NUP58: variants seen among roughly 807,000 people sequenced by gnomAD.
NUP58 encodes the protein nucleoporin p58/p45.
A neutral mutation model predicts 70.1 loss-of-function variants in NUP58; 17 were observed. The ratio of observed to expected loss-of-function variants is 0.24; its 90% CI spans 0.17 to 0.36. The LOEUF is 0.36. NUP58 is among the 10% of genes least tolerant of loss of function. The probability of loss-of-function intolerance (pLI) is 1.00; values close to 1 mark genes in which losing one functional copy is unlikely to be tolerated. For missense variants in NUP58, 644 were observed against 701.5 expected (o/e 0.92, Z 0.93); for synonymous variants, 275 against 257.6 (o/e 1.07, Z -0.65).
downstream of NUP58, among the ~76,000 whole-genome samples, chr13:25,343,840 T>C (rs1041526291): frequency 1.8e-3 from 261 of 147,736 alleles, 4 homozygotes; most frequent in African/African-American, 5.6e-3. Context: ...CATATATATA[T>C]ACGCACACAC....
intron 3 of NUP58, among the ~76,000 whole-genome samples, chr13:25,310,993 A>T (rs796471876): frequency 4.6e-5 from 7 of 152,220 alleles, no homozygotes; most frequent in African/African-American, 1.7e-4. Context: ...GGTGAAAGGG[A>T]TAGGCAGGTA....
At chr13:25,344,277 C>T (rs553691034), downstream of NUP58, among the ~76,000 whole-genome samples, 3 of 152,202 alleles carry the variant, frequency 2.0e-5, no homozygotes, top group African/African-American at 7.2e-5. Flanking sequence ...TTCAGAATCC[C>T]GCCTTGACCA....
At chr13:25,344,351 T>A (rs1391321629), downstream of NUP58, among the ~76,000 whole-genome samples, 3 of 152,204 alleles carry the variant, frequency 2.0e-5, no homozygotes, top group Non-Finnish European at 4.4e-5. Context: ...AAAATAAGGA[T>A]GATATACATG....
intron 3 of NUP58, among the ~76,000 whole-genome samples, chr13:25,309,788 A>G (rs2030559973): frequency 6.6e-6 from 1 of 152,236 alleles, no homozygotes; most frequent in African/African-American, 2.4e-5. Flanking sequence ...GCAGTAAACA[A>G]TGTGAAAGGA....
chr13:25,331,380 C>T lies in NUP58; in HGVS notation c.1257C>T (p.Gly419=). The T allele has an allele frequency of 6.2e-7, 1 of 1,614,074 alleles. No homozygotes were observed. The highest frequency in any genetic ancestry group is 8.5e-7 in the Non-Finnish European group (1 of 1,179,980). ...NVKVLKEQYL[G]YRKMFLGDAV... ...AGGTTCTGAAAGAACAGTACCTTGG[C>T]TACAGGAAAATGTTCTTGGGAGATG... The change falls in exon 13 of 16, where the codon GGC becomes GGT. Residue 419 remains glycine (G), a synonymous_variant. Transcript: ENST00000381736.
chr13:25,336,678 G>A (rs185159226), intron 13 of NUP58, among the ~76,000 whole-genome samples: 125 of 152,006 alleles, frequency 8.2e-4, no homozygotes, highest in East Asian at 1.5e-3. Flanking sequence ...CTTTCATTGC[G>A]GTAAGCCTCT....
At chr13:25,327,233 C>T (rs2031430120) in intron 11 of NUP58, among the ~76,000 whole-genome samples, 197 bp from the exon 12 acceptor site, 2 of 152,134 alleles carry the variant, frequency 1.3e-5, no homozygotes, top group Admixed American at 1.3e-4. Context: ...GGACAGAAAT[C>T]TTAGGGCCTT....
intron 12 of NUP58, among the ~76,000 whole-genome samples, chr13:25,328,979 T>C (rs1279607417): frequency 6.6e-6 from 1 of 152,184 alleles, no homozygotes; most frequent in African/African-American, 2.4e-5. Flanking sequence ...CCATTTAAAT[T>C]ACACCATTTT....
At chr13:25,334,527 G>T in intron 13 of NUP58, 1 of 985,190 alleles carries the variant, frequency 1.0e-6, no homozygotes. Context: ...TTGTGATTTT[G>T]TTGTATTTAA....
chr13:25,308,004 A>T lies in NUP58; in HGVS notation c.250+56A>T, dbSNP rs1453698573. On this transcript the variant is annotated intron_variant, in intron 2 of 15. Coordinates refer to ENST00000381736, the MANE Select transcript of NUP58 (RefSeq NM_014089.4). The stretch of plus-strand genomic sequence containing the variant: ...GTAGGCTTGGGATATTCTTTCCTAA[A>T]TTGTGTCCTGTATCTCTCTTTACAA... 3.1e-6 allele frequency: 5 copies of T among 1,593,256 alleles called. No individual in the cohort carries two copies. The African/African-American group carries it at 6.7e-5, about 21-fold the overall frequency.
Position 25,315,270 on chromosome 13 carries a change from AC to A in NUP58, c.575-86del, listed in dbSNP as rs1318284719. ...AAATATGAAGAAAATCTAGGATCCA[AC>A]TTTAAAAGCATTAGAGTCCTTTGAT... On this transcript the variant is annotated intron_variant, in intron 5 of 15. Transcript: ENST00000381736. The A allele has an allele frequency of 3.2e-4, 292 of 916,680 alleles. 3 individuals carry two copies. In the East Asian group the frequency reaches 7.2e-3, roughly 23 times the overall value. 56.8% of individuals were successfully genotyped at this position (916,680 alleles called of 1,614,324 possible).
intron 12 of NUP58, among the ~76,000 whole-genome samples, chr13:25,329,678 G>A (rs1303703536): frequency 2.0e-5 from 3 of 151,916 alleles, no homozygotes; most frequent in Non-Finnish European, 4.4e-5. Context: ...TTTTTTGTTC[G>A]TTTTGTTTTT....
intron 1 of NUP58, among the ~76,000 whole-genome samples, chr13:25,306,432 T>G (rs1259622032): frequency 6.7e-6 from 1 of 150,154 alleles, no homozygotes; most frequent in African/African-American, 2.5e-5. Flanking sequence ...AAGTGGGTAC[T>G]GTTAATTCCT....
Position 25,313,649 on chromosome 13 carries a change from A to G in NUP58, c.472A>G (p.Thr158Ala), listed in dbSNP as rs1219960849. ...ATTTACTCTAAATAATTTGGGTGGGACAACAGCCACAACTACAACTGCATC... is the reference window on the plus strand; with the variant it reads ...ATTTACTCTAAATAATTTGGGTGGGGCAACAGCCACAACTACAACTGCATC... ...TGFTLNNLGG[T>A]TATTTTASTG... Residue 158 changes from threonine (T) to alanine (A), a missense_variant, in exon 5 of 16, where the codon ACA (threonine) becomes GCA (alanine). Thr to Ala is a moderately conservative substitution (Grantham distance 58, BLOSUM62 0). Coordinates refer to ENST00000381736, the MANE Select transcript of NUP58 (RefSeq NM_014089.4). 1 of 1,526,230 alleles carries G rather than the reference A, an allele frequency of 6.6e-7. No homozygotes were observed. The highest frequency in any genetic ancestry group is 1.3e-5 in the South Asian group (1 of 75,636). The allele number at this position is 1,526,230 out of a possible 1,614,324, so 94.5% of individuals were successfully genotyped here. A position where few individuals can be genotyped will look rare whatever the true frequency, so the allele number is the denominator to read the frequency against.
chr13:25,305,489 T>C (rs2030302120), intron 1 of NUP58, among the ~76,000 whole-genome samples: 1 of 152,114 alleles, frequency 6.6e-6, no homozygotes, highest in South Asian at 2.1e-4. Flanking sequence ...GTTTTAATTG[T>C]TAGCGAGAGC....
Position 25,348,852 on chromosome 13 carries a change from T to C in NUP58, n.322-710T>C, listed in dbSNP as rs377686414. 2.1e-4 allele frequency among the ~76,000 whole-genome samples: 32 copies of C among 152,330 alleles called. 1 individual carries two copies. The East Asian group carries it at 5.4e-3, about 26-fold the overall frequency. On this transcript the variant is annotated intron_variant and non_coding_transcript_variant, in intron 3 of 3. Coordinates refer to the NUP58 transcript ENST00000477876. ...CAGGGTCATGTCAAGCCGATACTCA[T>C]TGGTGCTCTTTATTTCAAACTCTTT...
intron 1 of NUP58, 105 bp downstream of exon 1, chr13:25,301,985 C>T (rs1231630837): frequency 2.7e-6 from 2 of 754,198 alleles, no homozygotes; most frequent in Non-Finnish European, 4.3e-6. Flanking sequence ...GCTTCCTTCC[C>T]AGTGGGGCTG....
intron 1 of NUP58, among the ~76,000 whole-genome samples, chr13:25,303,835 C>T (rs1293360002): frequency 1.3e-5 from 2 of 152,126 alleles, no homozygotes; most frequent in Admixed American, 6.5e-5. Context: ...CAGTGCCTGG[C>T]ATAGAAAAAG....
At chr13:25,323,547 T>G (rs2031275512) in intron 9 of NUP58, among the ~76,000 whole-genome samples, 2 of 152,056 alleles carry the variant, frequency 1.3e-5, no homozygotes, top group African/African-American at 4.8e-5. Context: ...TTGAAAAAAA[T>G]GTTCTGAATC....
Sources: allele counts gnomAD v4.1 joint callset (sites outside exome capture counted in the v4.1 genomes callset), GRCh38; gene constraint gnomAD v4.1.1; transcripts MANE v1.5; gene names NCBI Gene and HGNC (gene_info 2026-07-23, HGNC 2026-07-21).